ELMO1: variants seen among roughly 807,000 people sequenced by gnomAD.
The protein encoded by ELMO1 is engulfment and cell motility protein 1.
ELMO1 carries 26 observed loss-of-function variants against 98.9 expected under a neutral mutation model. The ratio of observed to expected loss-of-function variants is 0.26; its 90% CI spans 0.19 to 0.36. The LOEUF is 0.36. Ranked by LOEUF, ELMO1 falls within the 10% of genes least tolerant of loss-of-function variation. ELMO1 has a pLI of 1.00. For missense variants in ELMO1, 627 were observed against 935.2 expected, an observed-to-expected ratio of 0.67 and a Z score of 4.30; for synonymous variants, 346 against 346.0, an observed-to-expected ratio of 1.00 and a Z score of 0.00.
chr7:36,924,285 C>T (rs1309998970), intron 16 of ELMO1, among the ~76,000 whole-genome samples: 1 of 152,102 alleles, frequency 6.6e-6, no homozygotes, highest in Non-Finnish European at 1.5e-5. Flanking sequence ...AAACTGGGTG[C>T]GAGAGGTTTG....
intron 1 of ELMO1, among the ~76,000 whole-genome samples, chr7:37,426,110 TTC>T (rs369791071): frequency 4.7e-5 from 7 of 149,518 alleles, no homozygotes; most frequent in African/African-American, 7.4e-5. Flanking sequence ...AAACTTAGAG[TTC>T]TCTCTCTCTC....
chr7:37,184,602 C>T (rs1241388615), intron 13 of ELMO1, among the ~76,000 whole-genome samples: 1 of 152,144 alleles, frequency 6.6e-6, no homozygotes, highest in Non-Finnish European at 1.5e-5. Flanking sequence ...TTGGCTGAAA[C>T]CTTTTACTAT....
chr7:37,200,244 AT>A (rs373030810), intron 13 of ELMO1, among the ~76,000 whole-genome samples: 12 of 137,530 alleles, frequency 8.7e-5, no homozygotes, highest in East Asian at 2.1e-4. Flanking sequence ...AAGCTAATTA[AT>A]TTTTTTTTTT....
At chr7:37,301,517 G>A (rs1027465668) in intron 4 of ELMO1, among the ~76,000 whole-genome samples, 13 of 152,104 alleles carry the variant, frequency 8.5e-5, no homozygotes, top group South Asian at 6.2e-4. Flanking sequence ...CTTGACTTAC[G>A]CCATTCCCAG....
chr7:37,168,302 T>C (rs970924145), intron 13 of ELMO1, among the ~76,000 whole-genome samples: 4 of 150,590 alleles, frequency 2.7e-5, no homozygotes, highest in African/African-American at 4.8e-5. Context: ...CTGTAGCTCA[T>C]AGTTTGATCG....
intron 16 of ELMO1, among the ~76,000 whole-genome samples, chr7:36,897,325 CGT>C (rs11267559): frequency 1.5e-4 from 7 of 46,930 alleles, no homozygotes; most frequent in African/African-American, 3.4e-4. Flanking sequence ...AGAAAACAGA[CGT>C]GTGTGTGTGT....
chr7:37,024,704 T>C (rs900155838), intron 15 of ELMO1, among the ~76,000 whole-genome samples: 1 of 152,168 alleles, frequency 6.6e-6, no homozygotes, highest in African/African-American at 2.4e-5. Context: ...TGACTGAAGA[T>C]ATAGTGGAAA....
chr7:36,890,868 C>T (rs1034067531), intron 17 of ELMO1, among the ~76,000 whole-genome samples: 1 of 152,314 alleles, frequency 6.6e-6, no homozygotes, highest in Non-Finnish European at 1.5e-5. Context: ...TCTGGCCTCA[C>T]CTTCCGTTGC....
At chr7:36,920,756 G>T (rs189972375) in intron 16 of ELMO1, among the ~76,000 whole-genome samples, 39 of 152,130 alleles carry the variant, frequency 2.6e-4, no homozygotes, top group African/African-American at 7.5e-4. Flanking sequence ...TGACCACCTT[G>T]TGTCTCCTGA....
chr7:36,984,953 G>C, intron 16 of ELMO1: 5 of 985,344 alleles, frequency 5.1e-6, no homozygotes, highest in Non-Finnish European at 6.0e-6. Flanking sequence ...AACTCGTCTG[G>C]AATCCTGCTC....
chr7:37,169,269 A>G (rs1789975421), intron 13 of ELMO1, among the ~76,000 whole-genome samples: 1 of 152,166 alleles, frequency 6.6e-6, no homozygotes, highest in African/African-American at 2.4e-5. Context: ...TAGGAAAGGG[A>G]ACTCCCTGAC....
chr7:37,329,975 T>C (rs994001658), intron 2 of ELMO1, among the ~76,000 whole-genome samples: 4 of 152,200 alleles, frequency 2.6e-5, no homozygotes, highest in African/African-American at 7.2e-5. Context: ...AATTCTCCAA[T>C]TGGCACCTTC....
intron 13 of ELMO1, among the ~76,000 whole-genome samples, chr7:37,134,674 T>C (rs758549907): frequency 4.6e-5 from 7 of 151,876 alleles, no homozygotes; most frequent in Non-Finnish European, 8.8e-5. Context: ...TGTCCACCAA[T>C]GGATGACTGG....
chr7:36,888,800 G>C (rs1347492814), intron 17 of ELMO1, among the ~76,000 whole-genome samples: 1 of 152,186 alleles, frequency 6.6e-6, no homozygotes, highest in East Asian at 1.9e-4. Context: ...CTCTGGACTT[G>C]CCTTGACACT....
intron 14 of ELMO1, among the ~76,000 whole-genome samples, chr7:37,116,184 T>A (rs1007075213): frequency 6.6e-6 from 1 of 152,192 alleles, no homozygotes; most frequent in African/African-American, 2.4e-5. Context: ...TTTGAACTCC[T>A]GCATTACAAC....
At chr7:37,265,599 T>C (rs1040622582) in intron 5 of ELMO1, among the ~76,000 whole-genome samples, 2 of 152,092 alleles carry the variant, frequency 1.3e-5, no homozygotes, top group African/African-American at 4.8e-5. Context: ...ATGCTATTAA[T>C]ACCTCCAGGT....
At chr7:37,046,856 A>G (rs939118201) in intron 15 of ELMO1, among the ~76,000 whole-genome samples, 2 of 152,238 alleles carry the variant, frequency 1.3e-5, no homozygotes, top group Non-Finnish European at 2.9e-5. Flanking sequence ...AAGTGATTCC[A>G]GTACAAAGAA....
At chr7:36,984,625 G>A (rs537049392) in intron 16 of ELMO1, among the ~76,000 whole-genome samples, 1 of 152,288 alleles carries the variant, frequency 6.6e-6, no homozygotes, top group East Asian at 1.9e-4. Flanking sequence ...TTTTTAAAAA[G>A]GACAACCAAT....
intron 13 of ELMO1, among the ~76,000 whole-genome samples, chr7:37,191,933 T>C (rs374345513): frequency 1.3e-4 from 20 of 150,868 alleles, no homozygotes; most frequent in African/African-American, 4.9e-4. Context: ...ACACACAAAA[T>C]GTTATCTGGC....
Sources: allele counts gnomAD v4.1 joint callset (sites outside exome capture counted in the v4.1 genomes callset), GRCh38; gene constraint gnomAD v4.1.1; transcripts MANE v1.5; gene names NCBI Gene and HGNC (gene_info 2026-07-23, HGNC 2026-07-21).